Variants in SNX25 observed in about 807,000 individuals in gnomAD.
SNX25 encodes sorting nexin-25.
A neutral mutation model predicts 113.7 loss-of-function variants in SNX25; 62 were observed. The ratio of observed to expected loss-of-function variants is 0.55; its 90% CI spans 0.44 to 0.67. The LOEUF is 0.67. Ranked by LOEUF, SNX25 falls within the 30% of genes least tolerant of loss-of-function variation. SNX25 has a pLI of 0.00. For missense variants in SNX25, 1,014 were observed against 1,161.0 expected (o/e 0.87, Z 1.84); for synonymous variants, 421 against 436.2 (o/e 0.97, Z 0.43).
At chr4:185,339,611 C>A in intron 11 of SNX25, 101 bp downstream of exon 11, 1 of 1,421,580 alleles carries the variant, frequency 7.0e-7, no homozygotes, top group Admixed American at 2.4e-5. Flanking sequence ...AAAACTTACA[C>A]TCATTCTTTT....
At chr4:185,360,930 A>ATATATATATATATATATATATATAT (rs1491260048) in intron 16 of SNX25, among the ~76,000 whole-genome samples, 4 of 139,610 alleles carry the variant, frequency 2.9e-5, no homozygotes, top group African/African-American at 1.1e-4. Context: ...AAAAAAAAAT[A>ATATATATATATATATATATATATAT]ATATATATAT....
At position 185,320,789 on chromosome 4, in the gene SNX25, G is replaced by A. The variant is rs1348509574; in HGVS notation, c.1401G>A (p.Met467Ile). ...CGTTCTACCGAGAGCACTTTGGAAT[G>A]TACATGGAAAGGATGGACAAAAGAG... Reference protein sequence around the residue: ...ANTFYREHFGMYMERMDKRAL... With the variant: ...ANTFYREHFGIYMERMDKRAL... The change falls in exon 8 of 19, where the codon ATG becomes ATA. Residue 467 changes from methionine (M) to isoleucine (I), a missense_variant. By Grantham distance (10) the Met-to-Ile change is conservative (BLOSUM62 1). Transcript: ENST00000652585. 6.8e-6 allele frequency: 11 copies of A among 1,606,092 alleles called. No individual in the cohort carries two copies. The highest frequency in any genetic ancestry group is 9.3e-6 in the Non-Finnish European group (11 of 1,176,500).
At chr4:185,267,777 C>T (rs1170223650) in intron 5 of SNX25, among the ~76,000 whole-genome samples, 1 of 151,578 alleles carries the variant, frequency 6.6e-6, no homozygotes, top group Non-Finnish European at 1.5e-5. Flanking sequence ...TACTAAATAC[C>T]TTACTGTTGA....
Position 185,210,938 on chromosome 4 carries a change from GAGCGCTTCTCT to G in SNX25, c.429+684_429+694del, listed in dbSNP as rs2111466580. 6.6e-6 allele frequency among the ~76,000 whole-genome samples: 1 copy of G among 152,258 alleles called. No individual in the cohort carries two copies. Among genetic ancestry groups the G allele is most frequent in the African/African-American group, 2.4e-5 (1 of 41,544 alleles). On this transcript the variant is annotated intron_variant, in intron 1 of 18. Transcript: ENST00000652585. The surrounding 1 kb of genome is among the most constrained non-coding windows in gnomAD (Gnocchi z 4.4). ...TGTAGGAAAGAACAGTGTTTTAAAT[GAGCGCTTCTCT>G]TCTTCAGTGCCAAACCCACTGCCCC...
chr4:185,206,660 C>CAAAAAA (rs375061067), upstream of SNX25, among the ~76,000 whole-genome samples: 190 of 77,116 alleles, frequency 2.5e-3, 4 homozygotes, highest in African/African-American at 3.4e-3. Context: ...ACTCTTGTCT[C>CAAAAAA]AAAAAAAAAA....
chr4:185,263,691 T>C (rs73873418), intron 3 of SNX25, among the ~76,000 whole-genome samples: 4,358 of 152,316 alleles, frequency 0.029, 93 homozygotes, highest in Middle Eastern at 0.068. Flanking sequence ...TTTTTTCTCA[T>C]TGTTAGCTAC....
chr4:185,238,843 A>T (rs1349424956), intron 1 of SNX25, among the ~76,000 whole-genome samples: 1 of 152,214 alleles, frequency 6.6e-6, no homozygotes, highest in Non-Finnish European at 1.5e-5. Flanking sequence ...AAGACCAGGT[A>T]ATAGGCATGA....
intron 1 of SNX25, among the ~76,000 whole-genome samples, chr4:185,229,021 C>T (rs529260100): frequency 2.0e-5 from 3 of 152,226 alleles, no homozygotes; most frequent in African/African-American, 4.8e-5. Context: ...GAAGCAGCAT[C>T]GCAAAGGTAC....
intron 6 of SNX25, among the ~76,000 whole-genome samples, chr4:185,301,501 C>T (rs1753674491): frequency 6.6e-6 from 1 of 151,250 alleles, no homozygotes; most frequent in Admixed American, 6.6e-5. Flanking sequence ...CAGTGATTCT[C>T]CTGCCCCATT....
intron 7 of SNX25, among the ~76,000 whole-genome samples, chr4:185,315,380 G>A (rs1212965714): frequency 1.4e-5 from 2 of 141,038 alleles, no homozygotes; most frequent in African/African-American, 5.3e-5. Context: ...TGCACCCTCC[G>A]CCTCCCAGAT....
intron 6 of SNX25, among the ~76,000 whole-genome samples, chr4:185,294,283 G>A (rs368764932): frequency 6.6e-5 from 10 of 152,150 alleles, no homozygotes; most frequent in African/African-American, 2.4e-4. Context: ...CAAGTTTAGG[G>A]TGTAAAAGAA....
At chr4:185,364,768 G>A (rs990566008), downstream of SNX25, 1 of 151,904 alleles carries the variant, frequency 6.6e-6, no homozygotes, top group Non-Finnish European at 1.5e-5. Flanking sequence ...GAAAAGACCA[G>A]ATAAAATACA....
intron 1 of SNX25, among the ~76,000 whole-genome samples, chr4:185,218,272 A>T (rs904796281): frequency 6.6e-5 from 10 of 152,228 alleles, no homozygotes; most frequent in African/African-American, 2.4e-4. Flanking sequence ...TTTAGTAGAG[A>T]CGGGGTTTTG....
intron 15 of SNX25, among the ~76,000 whole-genome samples, chr4:185,356,143 T>TCG (rs1454649401): frequency 6.7e-6 from 1 of 150,156 alleles, no homozygotes; most frequent in Non-Finnish European, 1.5e-5. Context: ...GTAATGGGGC[T>TCG]CGCGTGTGTG....
intron 13 of SNX25, among the ~76,000 whole-genome samples, chr4:185,348,874 C>G (rs1322674231): frequency 6.6e-6 from 1 of 152,184 alleles, no homozygotes; most frequent in East Asian, 1.9e-4. Flanking sequence ...ATCCTTTCCT[C>G]CCCAGTCTCT....
intron 12 of SNX25, among the ~76,000 whole-genome samples, chr4:185,343,594 G>T (rs945864282): frequency 2.0e-5 from 3 of 152,202 alleles, no homozygotes; most frequent in African/African-American, 4.8e-5. Context: ...GCTAAATCAA[G>T]ATTATTAATG....
intron 9 of SNX25, among the ~76,000 whole-genome samples, chr4:185,328,168 T>A (rs1313559383): frequency 6.6e-6 from 1 of 151,890 alleles, no homozygotes; most frequent in South Asian, 2.1e-4. Flanking sequence ...GTTATAAGAT[T>A]TTTTTTTTCT....
rs747344172 is a variant in SNX25, at chr4:185,353,518, T to G, written c.2500T>G (p.Tyr834Asp). ...AGAGGAGGACAGTGACCTGTCAGATTATGGTGATGATGTGGATGGGAGGAA... is the reference window on the plus strand; with the variant it reads ...AGAGGAGGACAGTGACCTGTCAGATGATGGTGATGATGTGGATGGGAGGAA... ...ETEEDSDLSD[Y>D]GDDVDGRKDA... The change falls in exon 15 of 19, where the codon TAT (tyrosine) becomes GAT (aspartate). Residue 834 changes from tyrosine to aspartate, a missense_variant. Transcript: ENST00000652585. The G allele has an allele frequency of 8.1e-6, 13 of 1,614,082 alleles. No individual in the cohort carries two copies. Among genetic ancestry groups the G allele is most frequent in the Non-Finnish European group, 1.0e-5 (12 of 1,180,030 alleles).
intron 7 of SNX25, among the ~76,000 whole-genome samples, chr4:185,314,223 C>T (rs1402676703): frequency 6.7e-6 from 1 of 150,172 alleles, no homozygotes; most frequent in African/African-American, 2.5e-5. Flanking sequence ...AGTGAGGGGG[C>T]TCATGCTGGT....
Sources: allele counts gnomAD v4.1 joint callset (sites outside exome capture counted in the v4.1 genomes callset), GRCh38; gene constraint gnomAD v4.1.1; non-coding constraint Gnocchi (gnomAD v3.1); transcripts MANE v1.5; gene names NCBI Gene and HGNC (gene_info 2026-07-23, HGNC 2026-07-21).